Variants in BCAT1 observed in about 807,000 individuals in gnomAD.
The protein encoded by BCAT1 is branched-chain-amino-acid aminotransferase, cytosolic.
In BCAT1, 48 loss-of-function variants were observed where a neutral mutation model predicts 52.4. The observed-to-expected ratio is 0.92, with a 90% CI of 0.73 to 1.16. The LOEUF is 1.16. BCAT1 is among the 50% of genes most tolerant of loss of function. The pLI, the probability that BCAT1 is intolerant of heterozygous loss-of-function variation, is 0.00. For missense variants in BCAT1, 451 were observed against 457.1 expected (o/e 0.99, Z 0.12); for synonymous variants, 167 against 161.3 (o/e 1.04, Z -0.27).
intron 5 of BCAT1, among the ~76,000 whole-genome samples, chr12:24,875,697 A>G (rs905267785): frequency 2.6e-5 from 4 of 152,160 alleles, no homozygotes; most frequent in Non-Finnish European, 4.4e-5. Flanking sequence ...TTTAAATAAC[A>G]CCTCGGTGAT....
At position 24,854,887 on chromosome 12, in the gene BCAT1, T is replaced by A. The variant is rs114963593; in HGVS notation, c.511-4938A>T. 6.4e-3 allele frequency among the ~76,000 whole-genome samples: 976 copies of A among 152,184 alleles called. 14 individuals are homozygous for A. The highest frequency in any genetic ancestry group is 0.023 in the African/African-American group (949 of 41,516). On this transcript the variant is annotated intron_variant, in intron 5 of 10. Transcript: ENST00000261192. ...TAAAGTACCCAAGATCTCCTTACTT[T>A]AAGAGAGTTCCAACTGGTATCTAGC...
chr12:24,878,573 G>A lies in BCAT1; in HGVS notation c.467C>T (p.Thr156Ile). Residue 156 changes from threonine (T) to isoleucine (I), a missense_variant, in exon 5 of 11, where the codon ACA becomes ATA. Thr to Ile is a moderately conservative substitution (Grantham distance 89, BLOSUM62 -1). Transcript: ENST00000261192. ...KLDQEWVPYS[T>I]SASLYIRPTF... ...AGGACGAATATACAGACTAGCAGATGTTGAATATGGGACCCATTCTTGATC... is the reference window on the plus strand; with the variant it reads ...AGGACGAATATACAGACTAGCAGATATTGAATATGGGACCCATTCTTGATC... 2 of 1,611,876 alleles carry A rather than the reference G, an allele frequency of 1.2e-6. No homozygotes were observed. The highest frequency in any genetic ancestry group is 4.5e-5 in the East Asian group (2 of 44,804).
chr12:24,860,666 C>G (rs2139514945), intron 5 of BCAT1, among the ~76,000 whole-genome samples: 1 of 152,278 alleles, frequency 6.6e-6, no homozygotes, highest in South Asian at 2.1e-4. Flanking sequence ...TTTAAGGAAT[C>G]AAAGTTGACT....
At chr12:24,948,177 G>T (rs1213006566) in intron 1 of BCAT1, among the ~76,000 whole-genome samples, 1 of 152,176 alleles carries the variant, frequency 6.6e-6, no homozygotes, top group Non-Finnish European at 1.5e-5. Context: ...CACTTTCCTT[G>T]GAAAAAGTTG....
At chr12:24,894,918 C>T (rs1402801571) in intron 2 of BCAT1, among the ~76,000 whole-genome samples, 1 of 152,202 alleles carries the variant, frequency 6.6e-6, no homozygotes, top group African/African-American at 2.4e-5. Context: ...GCAATGGTTA[C>T]ACTCCAACTG....
At chr12:24,902,756 T>C (rs1311853063) in intron 1 of BCAT1, 2 of 821,584 alleles carry the variant, frequency 2.4e-6, no homozygotes, top group Non-Finnish European at 3.6e-6. Context: ...GAGGTGGAGA[T>C]TGCAGGCTGG....
Position 24,817,759 on chromosome 12 carries a change from A to G in BCAT1, c.*249T>C. The G allele has an allele frequency of 1.1e-5, 5 of 462,728 alleles. No individual in the cohort carries two copies. The highest frequency in any genetic ancestry group is 1.6e-5 in the Non-Finnish European group (4 of 257,790). 28.7% of individuals were successfully genotyped at this position (462,728 alleles called of 1,614,324 possible). ...ATCATTGAGGAAAATCCCATGTTAT[A>G]TGGCTTACATTAATGTTTTTCTAGG... On this transcript the variant is annotated 3_prime_UTR_variant, in exon 11 of 11. Transcript: ENST00000261192.
chr12:24,915,785 GAT>G (rs1461916816), intron 1 of BCAT1, among the ~76,000 whole-genome samples: 1 of 152,216 alleles, frequency 6.6e-6, no homozygotes, highest in Non-Finnish European at 1.5e-5. Context: ...TATTTAAATA[GAT>G]ATATTTTCTA....
chr12:24,844,894 C>CAAAAAAAAAAAAAAAAAAAAA (rs11318750), intron 6 of BCAT1, among the ~76,000 whole-genome samples: 24 of 35,996 alleles, frequency 6.7e-4, no homozygotes, highest in Admixed American at 8.7e-4. Flanking sequence ...GAGACTGTCT[C>CAAAAAAAAAAAAAAAAAAAAA]AAAAAAAAAA....
chr12:24,823,064 CT>C (rs1484910435), intron 10 of BCAT1, among the ~76,000 whole-genome samples: 1 of 133,318 alleles, frequency 7.5e-6, no homozygotes, highest in Non-Finnish European at 1.6e-5. Context: ...GTTTTGACTT[CT>C]TTTTTTTTCA....
chr12:24,859,209 T>C (rs946779807), intron 5 of BCAT1, among the ~76,000 whole-genome samples: 3 of 152,224 alleles, frequency 2.0e-5, no homozygotes, highest in Non-Finnish European at 4.4e-5. Context: ...TGAACAAAAT[T>C]TTCATGTAAT....
chr12:24,831,717 C>G (rs1940676435), intron 9 of BCAT1, among the ~76,000 whole-genome samples: 1 of 152,146 alleles, frequency 6.6e-6, no homozygotes, highest in Non-Finnish European at 1.5e-5. Context: ...ACCCCTAATC[C>G]CTGTGTTGTT....
At chr12:24,934,208 T>C (rs970312235) in intron 1 of BCAT1, among the ~76,000 whole-genome samples, 1 of 152,224 alleles carries the variant, frequency 6.6e-6, no homozygotes, top group Non-Finnish European at 1.5e-5. Flanking sequence ...CATCATAAGA[T>C]CTGATGGTTT....
At chr12:24,872,093 A>G (rs956360797) in intron 5 of BCAT1, among the ~76,000 whole-genome samples, 2 of 152,252 alleles carry the variant, frequency 1.3e-5, no homozygotes, top group African/African-American at 4.8e-5. Flanking sequence ...CTGTTCATAG[A>G]AACTAATTGT....
intron 1 of BCAT1, among the ~76,000 whole-genome samples, chr12:24,926,317 C>T (rs2139732641): frequency 6.6e-6 from 1 of 152,184 alleles, no homozygotes; most frequent in South Asian, 2.1e-4. Flanking sequence ...CGCCCAGCAG[C>T]CACCCCGTCT....
intron 10 of BCAT1, among the ~76,000 whole-genome samples, chr12:24,822,032 G>A (rs181307329): frequency 5.3e-4 from 80 of 152,260 alleles, no homozygotes; most frequent in Non-Finnish European, 1.1e-3. Context: ...CAGAGGCAAA[G>A]GTGAGTATGA....
In BCAT1 at chr12:24,836,549, C is replaced by T; in HGVS notation, c.865G>A (p.Val289Met). 1.2e-6 allele frequency: 2 copies of T among 1,613,268 alleles called. No individual in the cohort carries two copies. The highest frequency in any genetic ancestry group is 1.7e-6 in the Non-Finnish European group (2 of 1,179,650). Residue 289 changes from valine (V) to methionine (M), a missense_variant, in exon 8 of 11, where the codon GTG becomes ATG. Coordinates refer to ENST00000261192, the MANE Select transcript of BCAT1 (RefSeq NM_005504.7). ...AGGTCCAGAATGCACCGCCTTGTCACTCCTGGAAGAATGATGCCATCTAGT... is the reference window on the plus strand; with the variant it reads ...AGGTCCAGAATGCACCGCCTTGTCATTCCTGGAAGAATGATGCCATCTAGT... ...PPLDGIILPG[V>M]TRRCILDLAH... is the part of the protein sequence containing the mutation.
intron 1 of BCAT1, among the ~76,000 whole-genome samples, chr12:24,919,623 T>C (rs963248793): frequency 6.6e-6 from 1 of 152,240 alleles, no homozygotes; most frequent in Non-Finnish European, 1.5e-5. Flanking sequence ...CCCTATAATA[T>C]ACCAGTAAAT....
intron 5 of BCAT1, among the ~76,000 whole-genome samples, chr12:24,852,047 G>A (rs997326375): frequency 2.6e-5 from 4 of 151,470 alleles, no homozygotes; most frequent in African/African-American, 9.8e-5. Flanking sequence ...GCTTGTGAGA[G>A]TGAGTGAGTT....
Sources: allele counts gnomAD v4.1 joint callset (sites outside exome capture counted in the v4.1 genomes callset), GRCh38; gene constraint gnomAD v4.1.1; transcripts MANE v1.5; gene names NCBI Gene and HGNC (gene_info 2026-07-23, HGNC 2026-07-21).